COL8A1: variants seen among roughly 807,000 people sequenced by gnomAD.
COL8A1 encodes collagen type VIII alpha 1 chain.
COL8A1 carries 21 observed loss-of-function variants against 42.7 expected under a neutral mutation model. The observed-to-expected ratio is 0.49, with a 90% confidence interval of 0.35 to 0.71. The LOEUF is 0.71. Ranked by LOEUF, COL8A1 falls within the 30% of genes least tolerant of loss-of-function variation. COL8A1 has a pLI of 0.01. For missense variants in COL8A1, 788 were observed against 962.4 expected, an observed-to-expected ratio of 0.82 and a Z score of 2.40; for synonymous variants, 367 against 369.1, an observed-to-expected ratio of 0.99 and a Z score of 0.06.
At chr3:99,702,487 AAAGAT>A (rs1362596688) in intron 1 of COL8A1, among the ~76,000 whole-genome samples, 1 of 152,180 alleles carries the variant, frequency 6.6e-6, no homozygotes, top group Non-Finnish European at 1.5e-5. Flanking sequence ...GAACATAAAT[AAAGAT>A]AAGTTATCAT....
intron 2 of COL8A1, among the ~76,000 whole-genome samples, chr3:99,778,357 A>AGAGGTTAC (rs1433904792): frequency 6.6e-6 from 1 of 152,208 alleles, no homozygotes; most frequent in Non-Finnish European, 1.5e-5. Context: ...AATGGGTCTT[A>AGAGGTTAC]GAGGTTACTT....
rs544405004 is a variant in COL8A1 at position 99,687,358 on chromosome 3, T to C, written c.-129+48694T>C. Among the ~76,000 whole-genome samples the C allele has an allele frequency of 2.0e-5, 3 of 152,364 alleles. No individual in the cohort carries two copies. In the South Asian group the frequency reaches 6.2e-4, roughly 32 times the overall value. On this transcript the variant is annotated intron_variant, in intron 1 of 3. Transcript: ENST00000652472. ...AGTGTTTGTGCTAAGGATTGTATGA[T>C]AATGGAGGCAAAATGCACTTTGTGT...
intron 2 of COL8A1, among the ~76,000 whole-genome samples, chr3:99,773,837 A>ATTATATATATATATATATATATATT (rs1553682090): frequency 2.2e-5 from 1 of 45,400 alleles, no homozygotes; most frequent in African/African-American, 1.3e-4. Context: ...ATATATATAT[A>ATTATATATATATATATATATATATT]TTTTTTTTTT....
intron 2 of COL8A1, among the ~76,000 whole-genome samples, chr3:99,746,087 C>T (rs962163443): frequency 5.9e-5 from 9 of 152,044 alleles, no homozygotes; most frequent in African/African-American, 9.7e-5. Flanking sequence ...GACACCTGAA[C>T]GAAAGGAAAA....
intron 1 of COL8A1, among the ~76,000 whole-genome samples, chr3:99,676,902 A>G (rs1406829111): frequency 1.3e-5 from 2 of 152,006 alleles, no homozygotes; most frequent in Admixed American, 6.6e-5. Context: ...TTTGAAAGAT[A>G]CCATTTACAG....
intron 1 of COL8A1, among the ~76,000 whole-genome samples, chr3:99,720,464 C>A (rs988121881): frequency 5.3e-5 from 8 of 151,962 alleles, no homozygotes; most frequent in Non-Finnish European, 1.2e-4. Flanking sequence ...CAATATATTA[C>A]CATGGGTAAC....
intron 2 of COL8A1, among the ~76,000 whole-genome samples, chr3:99,771,728 A>T (rs1365036791): frequency 6.6e-6 from 1 of 152,176 alleles, no homozygotes; most frequent in East Asian, 1.9e-4. Context: ...AACTGTGAAG[A>T]TGCTAATGGA....
chr3:99,697,613 A>G (rs752709660), intron 1 of COL8A1, among the ~76,000 whole-genome samples: 11 of 152,188 alleles, frequency 7.2e-5, no homozygotes, highest in Non-Finnish European at 1.6e-4. Context: ...GAGTGACTCT[A>G]GCTTGAAAAA....
Position 99,795,419 on chromosome 3 carries a change from T to C in COL8A1, c.1518T>C (p.Ser506=), listed in dbSNP as rs1942084593. The change falls in exon 4 of 4, where the codon AGT becomes AGC. Residue 506 remains serine (S), a synonymous_variant. Coordinates refer to ENST00000652472, the MANE Select transcript of COL8A1 (RefSeq NM_020351.4). The stretch of plus-strand genomic sequence containing the variant: ...GTATCCCAGGGATTGGGGGCCCTAG[T>C]GGCCCCATTGGACCACCTGGGATTC... ...PPGIPGIGGP[S]GPIGPPGIPG... 1 of 1,531,412 alleles carries C rather than the reference T, an allele frequency of 6.5e-7. No homozygotes were observed. Among genetic ancestry groups the C allele is most frequent in the Non-Finnish European group, 8.8e-7 (1 of 1,137,194 alleles). The allele number at this position is 1,531,412 out of a possible 1,614,324, so 94.9% of individuals were successfully genotyped here.
chr3:99,659,929 A>G (rs1435192162), intron 1 of COL8A1, among the ~76,000 whole-genome samples: 1 of 152,202 alleles, frequency 6.6e-6, no homozygotes, highest in East Asian at 1.9e-4. Context: ...GGCAGGAAAA[A>G]CAATACATAT....
At chr3:99,643,908 A>G (rs1042008994) in intron 1 of COL8A1, among the ~76,000 whole-genome samples, 1 of 152,176 alleles carries the variant, frequency 6.6e-6, no homozygotes, top group African/African-American at 2.4e-5. Context: ...GCCTCTAATG[A>G]GAGAAAGAGC....
intron 1 of COL8A1, among the ~76,000 whole-genome samples, chr3:99,667,394 C>A (rs1373983169): frequency 6.6e-6 from 1 of 152,112 alleles, no homozygotes; most frequent in East Asian, 1.9e-4. Context: ...TCTTCTTTGA[C>A]CTTAGGACTC....
intron 2 of COL8A1, among the ~76,000 whole-genome samples, chr3:99,757,972 G>A (rs776747707): frequency 6.6e-6 from 1 of 152,108 alleles, no homozygotes; most frequent in Non-Finnish European, 1.5e-5. Flanking sequence ...AAAATAAATA[G>A]AATAGAATAC....
At position 99,731,303 on chromosome 3, in the gene COL8A1, T is replaced by C. The variant is rs1940501650; in HGVS notation, c.-128-13594T>C. ...AGTGATATTCAAGAGGAGATTGAAA[T>C]GGTGAAGCGTCCAGACAGCCATGCA... On this transcript the variant is annotated intron_variant, in intron 1 of 3. Transcript: ENST00000652472. 2.0e-5 allele frequency among the ~76,000 whole-genome samples: 3 copies of C among 152,026 alleles called. No individual in the cohort carries two copies. In the South Asian group the frequency reaches 6.2e-4, roughly 32 times the overall value.
At chr3:99,750,127 G>A (rs1941115114) in intron 2 of COL8A1, among the ~76,000 whole-genome samples, 2 of 134,168 alleles carry the variant, frequency 1.5e-5, no homozygotes, top group South Asian at 4.5e-4. Context: ...CATGATCTTG[G>A]CTTACTGCAA....
chr3:99,779,710 T>C (rs554524460), intron 2 of COL8A1, among the ~76,000 whole-genome samples: 1 of 152,352 alleles, frequency 6.6e-6, no homozygotes, highest in Admixed American at 6.5e-5. Context: ...TTACCTTGCC[T>C]TTCTTCAGAC....
chr3:99,712,883 C>T (rs1184815336), intron 1 of COL8A1, among the ~76,000 whole-genome samples: 1 of 152,120 alleles, frequency 6.6e-6, no homozygotes, highest in African/African-American at 2.4e-5. Flanking sequence ...CTATAACAGA[C>T]TTGAGATGCC....
In COL8A1 at chr3:99,695,583, ACTCT is replaced by A. The variant is rs143385956; in HGVS notation, c.-128-49300_-128-49297del. ...TTCTCCTTCCCTCCCTCTTTCTCTTACTCTCTCTCTCTCTCTCCGTCTTTCCCTC... is the reference window on the plus strand; with the variant it reads ...TTCTCCTTCCCTCCCTCTTTCTCTTACTCTCTCTCTCTCCGTCTTTCCCTC... On this transcript the variant is annotated intron_variant, in intron 1 of 3. Coordinates refer to ENST00000652472, the MANE Select transcript of COL8A1 (RefSeq NM_020351.4). Among the ~76,000 whole-genome samples the A allele has an allele frequency of 2.8e-5, 4 of 142,174 alleles. No individual in the cohort carries two copies. The South Asian group carries it at 6.8e-4, about 24-fold the overall frequency. 93.3% of individuals were successfully genotyped at this position (142,174 alleles called of 152,430 possible).
intron 1 of COL8A1, among the ~76,000 whole-genome samples, chr3:99,715,565 C>A (rs1408185153): frequency 6.6e-6 from 1 of 152,004 alleles, no homozygotes; most frequent in East Asian, 1.9e-4. Flanking sequence ...TCCTGAGAAG[C>A]AGGAGGCTCT....
Sources: allele counts gnomAD v4.1 joint callset (sites outside exome capture counted in the v4.1 genomes callset), GRCh38; gene constraint gnomAD v4.1.1; transcripts MANE v1.5; gene names NCBI Gene and HGNC (gene_info 2026-07-23, HGNC 2026-07-21).